CCND3: variants seen among roughly 807,000 people sequenced by gnomAD.
CCND3 encodes the protein cyclin D3.
A neutral mutation model predicts 28.7 loss-of-function variants in CCND3; 9 were observed. The ratio of observed to expected loss-of-function variants is 0.31; its 90% CI spans 0.19 to 0.55. The LOEUF (loss-of-function observed/expected upper bound fraction) is 0.55. CCND3 is among the 20% of genes least tolerant of loss of function. The pLI is 0.93. For missense variants in CCND3, 315 were observed against 385.8 expected (o/e 0.82, Z 1.54); for synonymous variants, 164 against 163.9 (o/e 1.00, Z 0.00).
rs1166395929 is a variant in CCND3 at position 41,939,147 on chromosome 6, CT to C, written c.414+1222del. Among the ~76,000 whole-genome samples, 2 of 152,172 alleles carry C rather than the reference CT, an allele frequency of 1.3e-5. No homozygotes were observed. The highest frequency in any genetic ancestry group is 4.8e-5 in the African/African-American group (2 of 41,450). Reference sequence around the variant, plus strand: ...GATTCATCACAAAGAGCTGTGGCGCCTCCTGGATTCCCAACTCTGGCCTCCT... The same window carrying C: ...GATTCATCACAAAGAGCTGTGGCGCCCCTGGATTCCCAACTCTGGCCTCCT... On this transcript the variant is annotated intron_variant, in intron 2 of 4. Coordinates refer to ENST00000372991, the MANE Select transcript of CCND3 (RefSeq NM_001760.5). The surrounding 1 kb of genome is among the most constrained non-coding windows in gnomAD (Gnocchi z 4.2).
intron 1 of CCND3, among the ~76,000 whole-genome samples, chr6:42,022,657 TG>T (rs1232598149): frequency 6.6e-6 from 1 of 152,226 alleles, no homozygotes; most frequent in East Asian, 1.9e-4. Flanking sequence ...GCACTTGGCC[TG>T]GAGCAGTCAC....
At chr6:41,972,239 AAAAAAG>A (rs368559331) in intron 1 of CCND3, among the ~76,000 whole-genome samples, 11,211 of 138,006 alleles carry the variant, frequency 0.081, 545 homozygotes, top group East Asian at 0.29. Flanking sequence ...AAAAAAAAAA[AAAAAAG>A]AAAAGAAAAG....
chr6:42,027,428 AG>A (rs1296695112), intron 1 of CCND3, among the ~76,000 whole-genome samples: 1 of 124,474 alleles, frequency 8.0e-6, no homozygotes, highest in East Asian at 2.9e-4. Context: ...TGAGAGAGCG[AG>A]GCTCCATCTC....
chr6:42,049,896 C>A (rs1357736520), upstream of CCND3: 2 of 152,246 alleles, frequency 1.3e-5, no homozygotes, highest in Non-Finnish European at 2.9e-5. Flanking sequence ...TGGGATTGGG[C>A]TGGGCCCAGC....
At chr6:41,977,658 T>C (rs886161535) in intron 1 of CCND3, among the ~76,000 whole-genome samples, 3 of 151,496 alleles carry the variant, frequency 2.0e-5, no homozygotes, top group African/African-American at 7.3e-5. Context: ...CGAACCACCA[T>C]GCCCAGCCAA....
chr6:42,039,504 G>A (rs140672198), intron 1 of CCND3, among the ~76,000 whole-genome samples: 2 of 152,266 alleles, frequency 1.3e-5, no homozygotes, highest in Non-Finnish European at 2.9e-5. Context: ...AAGGTGAGAG[G>A]TCCTGCACTA....
rs1041303349 is a variant in CCND3, at chr6:41,936,785, A to G, written c.575-90T>C. The G allele has an allele frequency of 3.6e-6, 5 of 1,387,900 alleles. No individual in the cohort carries two copies. In the African/African-American group the frequency reaches 7.1e-5, roughly 20 times the overall value. The allele number at this position is 1,387,900 out of a possible 1,614,324, so 86.0% of individuals were successfully genotyped here. On this transcript the variant is annotated intron_variant, in intron 3 of 4. Coordinates refer to ENST00000372991, the MANE Select transcript of CCND3 (RefSeq NM_001760.5). This position sits in a 1 kb window ranked among gnomAD's most constrained non-coding sequence, Gnocchi z 4.4. ...TCCGACTCCTTGGAAAGTGCCAGGC[A>G]GCATGAGTAGAGCAGAGGACATGCT...
chr6:41,942,716 GT>G (rs1489647890), upstream of CCND3, among the ~76,000 whole-genome samples: 1 of 152,054 alleles, frequency 6.6e-6, no homozygotes, highest in Middle Eastern at 3.2e-3. Context: ...TTACTTTGTA[GT>G]TTTACCGGAA....
intron 1 of CCND3, among the ~76,000 whole-genome samples, chr6:41,980,356 G>A (rs1762309901): frequency 6.6e-6 from 1 of 152,030 alleles, no homozygotes; most frequent in South Asian, 2.1e-4. Context: ...GGCTGGTCTC[G>A]AACTGCTGAC....
intron 1 of CCND3, among the ~76,000 whole-genome samples, chr6:41,985,468 C>A (rs959092869): frequency 6.6e-6 from 1 of 151,964 alleles, no homozygotes. Context: ...TGTCCACCAC[C>A]ACACCTGGCT....
At chr6:41,982,713 G>A (rs1762382464) in intron 1 of CCND3, among the ~76,000 whole-genome samples, 1 of 152,052 alleles carries the variant, frequency 6.6e-6, no homozygotes, top group Non-Finnish European at 1.5e-5. Context: ...CGACAGTGTG[G>A]TATTGGCAAA....
chr6:41,976,472 C>T (rs1026595087), intron 1 of CCND3, among the ~76,000 whole-genome samples: 1 of 151,544 alleles, frequency 6.6e-6, no homozygotes, highest in Non-Finnish European at 1.5e-5. Flanking sequence ...TGCAACACAG[C>T]GAGACCACCA....
At chr6:41,941,860 G>C, upstream of CCND3, 1 of 255,268 alleles carries the variant, frequency 3.9e-6, no homozygotes, top group Non-Finnish European at 7.4e-6. The surrounding 1 kb of genome is among the most constrained non-coding windows in gnomAD (Gnocchi z 6.1). Context: ...CTCGGACGTC[G>C]CAACGCTCCG....
intron 1 of CCND3, among the ~76,000 whole-genome samples, chr6:41,959,665 C>T (rs910493001): frequency 7.0e-5 from 8 of 113,986 alleles, no homozygotes; most frequent in African/African-American, 2.4e-4. Context: ...TCCAGCCTGG[C>T]GACACAGCAA....
At chr6:41,977,927 A>C (rs185832656) in intron 1 of CCND3, among the ~76,000 whole-genome samples, 158 of 152,208 alleles carry the variant, frequency 1.0e-3, no homozygotes, top group Admixed American at 9.3e-3. Context: ...TGGCAGCACC[A>C]GCCTGTAGTC....
intron 1 of CCND3, among the ~76,000 whole-genome samples, chr6:42,027,313 G>A (rs930968251): frequency 5.9e-5 from 9 of 152,028 alleles, no homozygotes; most frequent in African/African-American, 2.2e-4. Flanking sequence ...GGTGGCAGGC[G>A]CCTATAGTCC....
At chr6:41,994,965 G>T (rs1019150146) in intron 1 of CCND3, among the ~76,000 whole-genome samples, 5 of 151,810 alleles carry the variant, frequency 3.3e-5, no homozygotes, top group African/African-American at 1.2e-4. Context: ...CCAGCTACTC[G>T]GGAGGCTGAG....
intron 1 of CCND3, among the ~76,000 whole-genome samples, chr6:41,974,105 C>T (rs1470065425): frequency 1.3e-5 from 2 of 152,174 alleles, no homozygotes; most frequent in African/African-American, 2.4e-5. Flanking sequence ...ATCGCTTGAA[C>T]CCGGGAGGTG....
chr6:41,955,431 A>T (rs1776412949), intron 1 of CCND3, among the ~76,000 whole-genome samples: 1 of 152,170 alleles, frequency 6.6e-6, no homozygotes, highest in Admixed American at 6.6e-5. Flanking sequence ...TCACACTAAC[A>T]GATTAAAGAG....
Sources: allele counts gnomAD v4.1 joint callset (sites outside exome capture counted in the v4.1 genomes callset), GRCh38; gene constraint gnomAD v4.1.1; non-coding constraint Gnocchi (gnomAD v3.1); transcripts MANE v1.5; gene names NCBI Gene and HGNC (gene_info 2026-07-23, HGNC 2026-07-21).